Variants in HMCES observed in about 807,000 individuals in gnomAD.
The protein encoded by HMCES is abasic site processing protein HMCES.
A neutral mutation model predicts 35.1 loss-of-function variants in HMCES; 27 were observed. The observed-to-expected ratio is 0.77, with a 90% CI of 0.57 to 1.06. The LOEUF is 1.06. HMCES is among the 50% of genes least tolerant of loss of function. The pLI is 0.00. For missense variants in HMCES, 391 were observed against 430.4 expected (o/e 0.91, Z 0.81); for synonymous variants, 130 against 154.7 (o/e 0.84, Z 1.18).
chr3:129,290,190 CAA>C (rs747358663), intron 3 of HMCES, among the ~76,000 whole-genome samples: 14 of 60,974 alleles, frequency 2.3e-4, no homozygotes, highest in South Asian at 5.2e-4. Context: ...GACTCCGTCT[CAA>C]AAAAAAAAAA....
chr3:129,289,458 T>C (rs1324488733), intron 3 of HMCES, among the ~76,000 whole-genome samples: 1 of 152,252 alleles, frequency 6.6e-6, no homozygotes, highest in African/African-American at 2.4e-5. Flanking sequence ...GGACAGAAGA[T>C]ATAAGCCTTT....
At chr3:129,293,195 T>C (rs1038255367) in intron 4 of HMCES, among the ~76,000 whole-genome samples, 2 of 152,248 alleles carry the variant, frequency 1.3e-5, no homozygotes, top group African/African-American at 4.8e-5. Context: ...AATTTAGTCA[T>C]TGGTGTTTTT....
rs185352219 is a variant in HMCES at position 129,289,962 on chromosome 3, C to T, written c.328-717C>T. Among the ~76,000 whole-genome samples, 1,111 of 152,086 alleles carry T rather than the reference C, an allele frequency of 7.3e-3. 9 individuals are homozygous for T. The highest frequency in any genetic ancestry group is 0.017 in the South Asian group (80 of 4,824). On this transcript the variant is annotated intron_variant, in intron 3 of 6. Coordinates refer to ENST00000383463, the MANE Select transcript of HMCES (RefSeq NM_020187.3). ...CAGCACTTTGGGAGGCCAAGATGGG[C>T]GGATCACGAGGTCAGGAGATCGAGA...
chr3:129,288,064 A>G (rs1016665965), intron 2 of HMCES, among the ~76,000 whole-genome samples: 25 of 152,242 alleles, frequency 1.6e-4, no homozygotes, highest in African/African-American at 5.5e-4. Context: ...CTCAAAAAAA[A>G]ATAAAAATAA....
intron 5 of HMCES, among the ~76,000 whole-genome samples, chr3:129,299,529 T>C (rs897517294): frequency 6.6e-6 from 1 of 152,172 alleles, no homozygotes; most frequent in Non-Finnish European, 1.5e-5. Flanking sequence ...ATTGTCGCCA[T>C]GTTCGAAACC....
rs766495073 is a variant in HMCES at position 129,290,727 on chromosome 3, T to C, written c.376T>C (p.Tyr126His). The change falls in exon 4 of 7, where the codon TAT (tyrosine) becomes CAT (histidine). Residue 126 changes from tyrosine to histidine, a missense_variant. Physicochemically the swap from Tyr to His is moderately conservative, Grantham distance 83. Coordinates refer to ENST00000383463, the MANE Select transcript of HMCES (RefSeq NM_020187.3). ...RRCVVLADGF[Y>H]EWQRCQGTNQ... The stretch of plus-strand genomic sequence containing the variant: ...CTGTGTCGTTTTAGCAGATGGATTC[T>C]ATGAGTGGCAGCGATGTCAGGGAAC... 2 of 1,613,668 alleles carry C rather than the reference T, an allele frequency of 1.2e-6. No individual in the cohort carries two copies. Among genetic ancestry groups the C allele is most frequent in the Non-Finnish European group, 1.7e-6 (2 of 1,179,612 alleles).
chr3:129,300,946 G>T (rs1392890567), intron 5 of HMCES, among the ~76,000 whole-genome samples: 1 of 151,776 alleles, frequency 6.6e-6, no homozygotes, highest in East Asian at 1.9e-4. Flanking sequence ...CAGGAGAATG[G>T]CGTGAACCCG....
intron 4 of HMCES, among the ~76,000 whole-genome samples, chr3:129,295,212 A>T (rs2071077593): frequency 6.6e-6 from 1 of 151,834 alleles, no homozygotes; most frequent in Admixed American, 6.6e-5. Flanking sequence ...TTCACATATA[A>T]TAAAATTCAC....
chr3:129,282,456 A>C (rs1370282961), intron 2 of HMCES, among the ~76,000 whole-genome samples: 1 of 152,218 alleles, frequency 6.6e-6, no homozygotes, highest in African/African-American at 2.4e-5. Context: ...ACTAGAACTG[A>C]GATCCAGACC....
chr3:129,287,612 G>A (rs184672852), intron 2 of HMCES, among the ~76,000 whole-genome samples: 111 of 152,228 alleles, frequency 7.3e-4, no homozygotes, highest in South Asian at 3.5e-3. Context: ...CAGACTAGGC[G>A]GAATAAACCA....
intron 3 of HMCES, among the ~76,000 whole-genome samples, chr3:129,290,431 G>T (rs1300348369): frequency 6.6e-6 from 1 of 151,884 alleles, no homozygotes; most frequent in Non-Finnish European, 1.5e-5. Flanking sequence ...CTACAGGTGT[G>T]CACTACCACG....
rs563499128 is a variant in HMCES at position 129,292,231 on chromosome 3, TAGC to T, written c.453+1430_453+1432del. On this transcript the variant is annotated intron_variant, in intron 4 of 6. Coordinates refer to ENST00000383463, the MANE Select transcript of HMCES (RefSeq NM_020187.3). The stretch of plus-strand genomic sequence containing the variant: ...GACACTGCTAAAGCACCTGAGTTCT[TAGC>T]AGTTTGCTTGTTAAAATTGGGAATT... Among the ~76,000 whole-genome samples, 186 of 152,292 alleles carry T rather than the reference TAGC, an allele frequency of 1.2e-3. 1 individual carries two copies. Among genetic ancestry groups the T allele is most frequent in the African/African-American group, 4.3e-3 (179 of 41,578 alleles).
rs756933125 is a variant in HMCES, at chr3:129,290,826, A to G, written c.453+22A>G. 2.5e-6 allele frequency: 4 copies of G among 1,604,678 alleles called. No individual in the cohort carries two copies. The South Asian group carries it at 4.4e-5, about 18-fold the overall frequency. The stretch of plus-strand genomic sequence containing the variant: ...GAAGGTATCATTATCAGCATTCACA[A>G]TATATATTTGGAAAGGCACAGGGAA... On this transcript the variant is annotated intron_variant, in intron 4 of 6. Transcript: ENST00000383463.
intron 2 of HMCES, among the ~76,000 whole-genome samples, chr3:129,281,502 C>T (rs1940482297): frequency 6.6e-6 from 1 of 151,668 alleles, no homozygotes; most frequent in Admixed American, 6.6e-5. Flanking sequence ...ACCAGCCTGG[C>T]CAACATGGTG....
chr3:129,299,648 CTTT>C (rs34382705), intron 5 of HMCES, among the ~76,000 whole-genome samples: 12,116 of 109,536 alleles, frequency 0.11, 293 homozygotes, highest in Middle Eastern at 0.21. Flanking sequence ...ATAGGTGCTT[CTTT>C]TTTTTTTTTT....
At chr3:129,293,983 T>C (rs113701771) in intron 4 of HMCES, among the ~76,000 whole-genome samples, 4 of 152,338 alleles carry the variant, frequency 2.6e-5, no homozygotes, top group African/African-American at 9.6e-5. Context: ...TTGATGTGAT[T>C]GGGTTAAAAT....
At position 129,289,010 on chromosome 3, in the gene HMCES, T is replaced by A; in HGVS notation, c.327+13T>A. The A allele has an allele frequency of 6.5e-7, 1 of 1,542,332 alleles. No individual in the cohort carries two copies. Among genetic ancestry groups the A allele is most frequent in the East Asian group, 2.3e-5 (1 of 43,654 alleles). On this transcript the variant is annotated intron_variant, in intron 3 of 6. Coordinates refer to ENST00000383463, the MANE Select transcript of HMCES (RefSeq NM_020187.3). ...ACGGTCATTTAAGGTAGGTGGCTGG[T>A]AGCTATTAGTGCCCCGTATACCTCA...
At position 129,304,842 on chromosome 3, in the gene HMCES, A is replaced by G; in HGVS notation, c.*17A>G. The stretch of plus-strand genomic sequence containing the variant: ...AGCCAGTGACACAGGACTTTCAGAG[A>G]CCAAGGCCAGGGTCTGCTGCACTGC... On this transcript the variant is annotated 3_prime_UTR_variant, in exon 7 of 7. Coordinates refer to ENST00000383463, the MANE Select transcript of HMCES (RefSeq NM_020187.3). 6.3e-7 allele frequency: 1 copy of G among 1,593,592 alleles called. No homozygotes were observed. The highest frequency in any genetic ancestry group is 8.6e-7 in the Non-Finnish European group (1 of 1,161,618).
chr3:129,289,664 C>T (rs2107690034), intron 3 of HMCES, among the ~76,000 whole-genome samples: 1 of 152,086 alleles, frequency 6.6e-6, no homozygotes, highest in South Asian at 2.1e-4. Flanking sequence ...TGTGAGCTAT[C>T]ACGCCCGGCC....
Sources: allele counts gnomAD v4.1 joint callset (sites outside exome capture counted in the v4.1 genomes callset), GRCh38; gene constraint gnomAD v4.1.1; transcripts MANE v1.5; gene names NCBI Gene and HGNC (gene_info 2026-07-23, HGNC 2026-07-21).